Variants in GRM5 observed in about 807,000 individuals in gnomAD.
GRM5 encodes glutamate metabotropic receptor 5, also known as metabotropic glutamate receptor 5.
Under a neutral mutation model 83.1 loss-of-function variants are expected in GRM5, and 19 were observed. That is an observed-to-expected ratio of 0.23 (90% CI 0.16 to 0.34). GRM5 has a LOEUF of 0.34. Among genes scored for constraint, GRM5 ranks in the 10% least tolerant of loss-of-function variants. The pLI is 1.00. For synonymous variants in GRM5, 675 were observed against 633.6 expected (o/e 1.07, Z -0.98); for missense variants, 1,160 against 1,588.3 (o/e 0.73, Z 4.58).
At chr11:88,820,939 G>C (rs922825847) in intron 3 of GRM5, among the ~76,000 whole-genome samples, 2 of 152,160 alleles carry the variant, frequency 1.3e-5, no homozygotes. Context: ...AGGGGCACTG[G>C]AAAATATAGC....
chr11:88,779,352 A>C (rs1249072423), intron 3 of GRM5, among the ~76,000 whole-genome samples: 37 of 152,172 alleles, frequency 2.4e-4, no homozygotes, highest in Non-Finnish European at 4.4e-5. Flanking sequence ...ATTTGCTCTA[A>C]AGAAAATAAG....
At chr11:88,986,218 G>T (rs1010856727) in intron 2 of GRM5, among the ~76,000 whole-genome samples, 2 of 152,088 alleles carry the variant, frequency 1.3e-5, no homozygotes, top group African/African-American at 4.8e-5. Flanking sequence ...ATAATCTCTA[G>T]AGAGTTATGC....
Position 88,567,107 on chromosome 11 carries a change from G to T in GRM5, c.2576C>A (p.Ser859Tyr), listed in dbSNP as rs1330482121. ...DGKSSSAASR[S>Y]SSLVNLWKRR... ...CTTCCACAGGTTGACTAGGCTGCTGGATCTGCTGGCTGCGGAGGATGACTT... is the reference window on the plus strand; with the variant it reads ...CTTCCACAGGTTGACTAGGCTGCTGTATCTGCTGGCTGCGGAGGATGACTT... The change falls in exon 8 of 10, where the codon TCC (serine) becomes TAC (tyrosine). Residue 859 changes from serine to tyrosine, a missense_variant. Transcript: ENST00000305447. This position sits in a 1 kb window ranked among gnomAD's most constrained non-coding sequence, Gnocchi z 7.3. 1 of 1,613,904 alleles carries T rather than the reference G, an allele frequency of 6.2e-7. No individual in the cohort carries two copies. Among genetic ancestry groups the T allele is most frequent in the Non-Finnish European group, 8.5e-7 (1 of 1,179,938 alleles).
intron 2 of GRM5, among the ~76,000 whole-genome samples, chr11:88,923,707 G>A (rs1028490750): frequency 7.9e-5 from 12 of 151,820 alleles, no homozygotes; most frequent in African/African-American, 2.9e-4. Flanking sequence ...TAGTTGGAAT[G>A]CCCATAACAC....
intron 3 of GRM5, among the ~76,000 whole-genome samples, chr11:88,838,461 C>G (rs192878262): frequency 1.6e-4 from 25 of 152,282 alleles, no homozygotes; most frequent in African/African-American, 5.8e-4. Context: ...TTAAAGCAAG[C>G]AAGTCCTGTG....
chr11:88,780,979 T>C (rs752997427), intron 3 of GRM5, among the ~76,000 whole-genome samples: 22 of 151,990 alleles, frequency 1.4e-4, no homozygotes, highest in Non-Finnish European at 2.8e-4. Flanking sequence ...TTTTTTCCAC[T>C]AAGAAATCTT....
At chr11:88,752,288 T>C (rs897473229) in intron 3 of GRM5, among the ~76,000 whole-genome samples, 2 of 152,048 alleles carry the variant, frequency 1.3e-5, no homozygotes, top group African/African-American at 4.8e-5. Context: ...CAAAAATTGC[T>C]AGCATTCATA....
At chr11:88,949,845 T>C (rs1397775740) in intron 2 of GRM5, among the ~76,000 whole-genome samples, 1 of 152,160 alleles carries the variant, frequency 6.6e-6, no homozygotes, top group Non-Finnish European at 1.5e-5. Context: ...AAATGATATA[T>C]ACATCAATGT....
intron 3 of GRM5, among the ~76,000 whole-genome samples, chr11:88,760,280 G>A (rs557771576): frequency 6.6e-6 from 1 of 151,984 alleles, no homozygotes; most frequent in Non-Finnish European, 1.5e-5. Context: ...CAATGAATTG[G>A]GGAGTTGGTT....
chr11:88,522,871 A>G (rs1410345361), intron 9 of GRM5: 1 of 152,130 alleles, frequency 6.6e-6, no homozygotes, highest in Non-Finnish European at 1.5e-5. Flanking sequence ...CAAAAATTAA[A>G]TGATATCTTG....
intron 2 of GRM5, among the ~76,000 whole-genome samples, chr11:88,856,086 T>C (rs1944471017): frequency 6.6e-6 from 1 of 152,068 alleles, no homozygotes; most frequent in Non-Finnish European, 1.5e-5. Context: ...TTATTTTCCA[T>C]CTTAGTTGGT....
intron 3 of GRM5, among the ~76,000 whole-genome samples, chr11:88,665,825 C>A (rs1940029202): frequency 7.4e-6 from 1 of 134,410 alleles, no homozygotes; most frequent in Non-Finnish European, 1.6e-5. Context: ...GCTATCTAGT[C>A]AGCCAGTACT....
At chr11:88,796,899 CGTGTGTGTGTGTGTGTGTGT>C (rs36203408) in intron 3 of GRM5, among the ~76,000 whole-genome samples, 2,384 of 143,534 alleles carry the variant, frequency 0.017, 64 homozygotes, top group African/African-American at 0.057. Flanking sequence ...CACACACACA[CGTGTGTGTGTGTGTGTGTGT>C]GTGTGTGTGT....
In GRM5 at chr11:88,508,380, A is replaced by C; in HGVS notation, c.*212T>G. On this transcript the variant is annotated 3_prime_UTR_variant, in exon 10 of 10. Transcript: ENST00000305447. The surrounding 1 kb of genome is among the most constrained non-coding windows in gnomAD (Gnocchi z 4.2). ...GTTTCTTAAAAGCCCATGTTTTCTA[A>C]GGCCACTAGAAGAAAATCTGCCAAA... 2.1e-6 allele frequency: 1 copy of C among 481,516 alleles called. No homozygotes were observed. Among genetic ancestry groups the C allele is most frequent in the Non-Finnish European group, 3.6e-6 (1 of 274,602 alleles). 29.8% of individuals were successfully genotyped at this position (481,516 alleles called of 1,614,324 possible). A position where few individuals can be genotyped will look rare whatever the true frequency, so the allele number is the denominator to read the frequency against.
intron 3 of GRM5, among the ~76,000 whole-genome samples, chr11:88,789,620 T>A (rs1943135328): frequency 6.6e-6 from 1 of 152,162 alleles, no homozygotes; most frequent in Non-Finnish European, 1.5e-5. Flanking sequence ...CTCTTGATTA[T>A]TCCCTTGTGG....
At chr11:88,689,044 T>C (rs940430758) in intron 3 of GRM5, among the ~76,000 whole-genome samples, 17 of 152,196 alleles carry the variant, frequency 1.1e-4, no homozygotes, top group African/African-American at 3.6e-4. Context: ...GCTCACAGAA[T>C]CTAGTACAGT....
chr11:88,809,095 T>G (rs1392521988), intron 3 of GRM5, among the ~76,000 whole-genome samples: 1 of 152,036 alleles, frequency 6.6e-6, no homozygotes, highest in East Asian at 1.9e-4. Flanking sequence ...CTTTTTTAAT[T>G]CACAAGTTAC....
At chr11:88,780,213 CTTAAATA>C (rs1249809840) in intron 3 of GRM5, among the ~76,000 whole-genome samples, 1 of 152,282 alleles carries the variant, frequency 6.6e-6, no homozygotes, top group East Asian at 1.9e-4. Flanking sequence ...CTGGAATGCC[CTTAAATA>C]TTATGCTGGG....
At chr11:88,558,716 G>A (rs758710389) in intron 8 of GRM5, among the ~76,000 whole-genome samples, 2 of 144,222 alleles carry the variant, frequency 1.4e-5, no homozygotes, top group African/African-American at 5.2e-5. Flanking sequence ...CAGGAGAATC[G>A]CTTGAAACTG....
Sources: gnomAD v4.1 joint callset for allele counts (sites outside exome capture counted in the v4.1 genomes callset) on GRCh38, gnomAD v4.1.1 for gene constraint, Gnocchi (gnomAD v3.1) non-coding constraint, MANE v1.5 for transcripts, NCBI Gene and HGNC (gene_info 2026-07-23, HGNC 2026-07-21) for gene names.